KIFAP3: variants seen among roughly 807,000 people sequenced by gnomAD.
KIFAP3 encodes kinesin-associated protein 3.
Under a neutral mutation model 106.5 loss-of-function variants are expected in KIFAP3, and 68 were observed. The observed-to-expected ratio is 0.64, with a 90% CI of 0.53 to 0.78. The LOEUF (loss-of-function observed/expected upper bound fraction) is 0.78, where lower values mean the gene tolerates loss of function less well. Among genes scored for constraint, KIFAP3 ranks in the 30% least tolerant of loss-of-function variants. KIFAP3 has a pLI of 0.00. For synonymous variants in KIFAP3, 320 were observed against 311.5 expected (o/e 1.03, Z -0.29); for missense variants, 780 against 941.8 (o/e 0.83, Z 2.25).
chr1:169,982,101 G>T lies in KIFAP3; in HGVS notation c.1673-4C>A. 1 of 1,611,542 alleles carries T rather than the reference G, an allele frequency of 6.2e-7. No homozygotes were observed. The highest frequency in any genetic ancestry group is 8.5e-7 in the Non-Finnish European group (1 of 1,179,032). ...ACAAGATCATCTTCTGCAGCACCTA[G>T]TGAAGTCAAACCATAGAAAGTTTTC... is the stretch of plus-strand genomic sequence containing the variant. On this transcript the variant is annotated splice_region_variant and splice_polypyrimidine_tract_variant and intron_variant, in intron 14 of 19. Coordinates refer to ENST00000361580, the MANE Select transcript of KIFAP3 (RefSeq NM_014970.4).
intron 4 of KIFAP3, among the ~76,000 whole-genome samples, chr1:170,038,695 T>G (rs1053384904): frequency 3.3e-5 from 5 of 152,248 alleles, no homozygotes; most frequent in Non-Finnish European, 7.3e-5. Context: ...AGAAAATATT[T>G]GTATCTACTA....
At chr1:169,977,432 C>G (rs1452247172) in intron 16 of KIFAP3, among the ~76,000 whole-genome samples, 1 of 152,166 alleles carries the variant, frequency 6.6e-6, no homozygotes, top group Non-Finnish European at 1.5e-5. Context: ...TACAACAATT[C>G]TACAAGGTAG....
intron 2 of KIFAP3, among the ~76,000 whole-genome samples, chr1:170,047,850 G>A (rs1354366670): frequency 6.6e-6 from 1 of 152,116 alleles, no homozygotes; most frequent in Non-Finnish European, 1.5e-5. Flanking sequence ...AGGGTACCAG[G>A]AAGAGATATA....
At chr1:169,996,175 T>G (rs1394043127) in intron 10 of KIFAP3, among the ~76,000 whole-genome samples, 1 of 152,182 alleles carries the variant, frequency 6.6e-6, no homozygotes, top group Non-Finnish European at 1.5e-5. Flanking sequence ...TTTCCTTTTC[T>G]CTTCACACTT....
chr1:169,997,687 A>G (rs1667433445), intron 10 of KIFAP3, among the ~76,000 whole-genome samples: 1 of 151,878 alleles, frequency 6.6e-6, no homozygotes, highest in Non-Finnish European at 1.5e-5. Flanking sequence ...CCTGGCCACC[A>G]TGATGAAACC....
At chr1:170,058,031 T>C (rs542067486) in intron 1 of KIFAP3, among the ~76,000 whole-genome samples, 27 of 152,300 alleles carry the variant, frequency 1.8e-4, no homozygotes, top group African/African-American at 4.8e-4. Context: ...ATACCTTCTA[T>C]AACTGCATGT....
intron 19 of KIFAP3, among the ~76,000 whole-genome samples, chr1:169,931,687 C>T (rs186584268): frequency 5.3e-5 from 8 of 152,282 alleles, no homozygotes; most frequent in Admixed American, 3.3e-4. Flanking sequence ...AATTGTTTGT[C>T]TGTTACTGGT....
At chr1:170,024,364 C>G in intron 9 of KIFAP3, 54 bp downstream of exon 9, 1 of 1,186,590 alleles carries the variant, frequency 8.4e-7, no homozygotes. Context: ...TCAAAATATT[C>G]TAACTTGAAA....
chr1:169,949,978 T>C (rs1227579955), intron 19 of KIFAP3, among the ~76,000 whole-genome samples: 9 of 152,132 alleles, frequency 5.9e-5, no homozygotes, highest in Non-Finnish European at 1.5e-5. Context: ...TTAAACTGCA[T>C]TGCTATCTTA....
intron 10 of KIFAP3, among the ~76,000 whole-genome samples, chr1:170,014,839 T>G (rs1415610052): frequency 1.3e-5 from 2 of 152,120 alleles, no homozygotes; most frequent in East Asian, 3.8e-4. Flanking sequence ...GTAGCCAATA[T>G]TTACTAAGAA....
chr1:170,071,772 AC>A (rs1671714908), intron 1 of KIFAP3, among the ~76,000 whole-genome samples: 1 of 152,332 alleles, frequency 6.6e-6, no homozygotes, highest in South Asian at 2.1e-4. Context: ...CAACACTGCC[AC>A]AATGGGGGAC....
At chr1:170,065,021 C>T (rs2102157098) in intron 1 of KIFAP3, among the ~76,000 whole-genome samples, 1 of 152,042 alleles carries the variant, frequency 6.6e-6, no homozygotes, top group East Asian at 1.9e-4. Flanking sequence ...TTTTTCTAGA[C>T]TTCTTGGAAG....
chr1:170,035,406 A>G (rs1669634724), intron 6 of KIFAP3, 48 bp downstream of exon 6: 2 of 1,150,900 alleles, frequency 1.7e-6, no homozygotes, highest in Admixed American at 2.2e-5. Flanking sequence ...ACAGACAAAG[A>G]GCAATAGAGA....
At chr1:170,038,493 T>C in intron 4 of KIFAP3, 62 bp from the exon 5 acceptor site, 1 of 1,502,970 alleles carries the variant, frequency 6.7e-7, no homozygotes, top group South Asian at 1.2e-5. Context: ...GTCAAAGAAA[T>C]GTTATTTTGT....
At chr1:170,071,106 G>A (rs777250994) in intron 1 of KIFAP3, among the ~76,000 whole-genome samples, 4 of 152,152 alleles carry the variant, frequency 2.6e-5, no homozygotes, top group Admixed American at 6.5e-5. Flanking sequence ...GTGAGGATAC[G>A]GAAAACTGAA....
chr1:170,083,616 A>G (rs1672054191), intron 1 of KIFAP3, among the ~76,000 whole-genome samples: 2 of 152,218 alleles, frequency 1.3e-5, no homozygotes, highest in South Asian at 4.1e-4. Context: ...CAGTGTATTT[A>G]TCACATTAAG....
At position 169,948,093 on chromosome 1, in the gene KIFAP3, T is replaced by C. The variant is rs138902380; in HGVS notation, c.2273+5918A>G. 7.6e-4 allele frequency among the ~76,000 whole-genome samples: 116 copies of C among 151,774 alleles called. 1 individual carries two copies. The highest frequency in any genetic ancestry group is 2.5e-3 in the African/African-American group (102 of 41,384). ...TTTATGTTTATCTCTGATTATTTCA[T>C]ATGGACAAATTCTTAGAAATAAAGT... On this transcript the variant is annotated intron_variant, in intron 19 of 19. Transcript: ENST00000361580.
chr1:169,987,876 G>A (rs1666911427), intron 11 of KIFAP3, among the ~76,000 whole-genome samples: 1 of 152,004 alleles, frequency 6.6e-6, no homozygotes, highest in Non-Finnish European at 1.5e-5. Context: ...CATCTCAGAG[G>A]TCTAAATAAC....
chr1:170,080,356 A>G (rs937570175), intron 1 of KIFAP3, among the ~76,000 whole-genome samples: 2 of 152,140 alleles, frequency 1.3e-5, no homozygotes, highest in Non-Finnish European at 2.9e-5. Flanking sequence ...ATTTATCTAT[A>G]GATTCTATAT....
Sources: gnomAD v4.1 joint callset for allele counts (sites outside exome capture counted in the v4.1 genomes callset) on GRCh38, gnomAD v4.1.1 for gene constraint, MANE v1.5 for transcripts, NCBI Gene and HGNC (gene_info 2026-07-23, HGNC 2026-07-21) for gene names.